The following CSMD1 variants were observed in gnomAD, a reference collection of about 807,000 sequenced individuals.
The protein encoded by CSMD1 is CUB and sushi domain-containing protein 1.
Under a neutral mutation model 417.5 loss-of-function variants are expected in CSMD1, and 213 were observed. That is an observed-to-expected ratio of 0.51 (90% CI 0.46 to 0.57). The LOEUF is 0.57. CSMD1 is among the 20% of genes least tolerant of loss of function. CSMD1 has a pLI of 0.00. For synonymous variants in CSMD1, 2,862 were observed against 1,736.8 expected (o/e 1.65, Z -16.11); for missense variants, 6,923 against 4,529.7 (o/e 1.53, Z -15.17).
intron 3 of CSMD1, among the ~76,000 whole-genome samples, chr8:4,124,504 T>A (rs1346938656): frequency 6.6e-6 from 1 of 152,180 alleles, no homozygotes; most frequent in Non-Finnish European, 1.5e-5. Flanking sequence ...CAACTGCCCC[T>A]TGAGTGTGTC....
At chr8:3,321,725 G>A (rs1806167871) in intron 23 of CSMD1, among the ~76,000 whole-genome samples, 1 of 152,148 alleles carries the variant, frequency 6.6e-6, no homozygotes, top group Non-Finnish European at 1.5e-5. Flanking sequence ...AAATAAAGTA[G>A]TAAGCTTCTA....
intron 6 of CSMD1, among the ~76,000 whole-genome samples, chr8:3,744,911 T>A (rs979896693): frequency 6.6e-6 from 1 of 152,124 alleles, no homozygotes; most frequent in Non-Finnish European, 1.5e-5. Flanking sequence ...TTTAGTTGAG[T>A]GGGCCTGAAG....
At chr8:3,319,302 G>A (rs989340015) in intron 23 of CSMD1, among the ~76,000 whole-genome samples, 54 of 152,218 alleles carry the variant, frequency 3.5e-4, no homozygotes, top group African/African-American at 1.2e-3. Context: ...TAACCACAGG[G>A]ATTAGAACCA....
At chr8:4,429,735 C>A (rs1329355714) in intron 2 of CSMD1, among the ~76,000 whole-genome samples, 1 of 152,108 alleles carries the variant, frequency 6.6e-6, no homozygotes, top group Non-Finnish European at 1.5e-5. Context: ...TCTCCTGTAA[C>A]CCACAGCCGT....
chr8:4,884,298 G>A (rs71502988), intron 1 of CSMD1, among the ~76,000 whole-genome samples: 29,515 of 151,596 alleles, frequency 0.19, 3,747 homozygotes, highest in East Asian at 0.41. Flanking sequence ...TAGATGATTC[G>A]CCCAATTTAT....
At chr8:2,964,678 A>T (rs1803801379) in intron 59 of CSMD1, among the ~76,000 whole-genome samples, 1 of 152,252 alleles carries the variant, frequency 6.6e-6, no homozygotes, top group African/African-American at 2.4e-5. Flanking sequence ...TTTCATTCAA[A>T]TTCAACATTT....
intron 21 of CSMD1, among the ~76,000 whole-genome samples, chr8:3,358,433 C>T (rs892371769): frequency 6.6e-6 from 1 of 152,178 alleles, no homozygotes; most frequent in South Asian, 2.1e-4. Flanking sequence ...GGACAACACA[C>T]CCTATTTAAG....
At chr8:3,775,033 T>A (rs1022680426) in intron 5 of CSMD1, among the ~76,000 whole-genome samples, 1 of 152,124 alleles carries the variant, frequency 6.6e-6, no homozygotes, top group East Asian at 1.9e-4. Flanking sequence ...GGAGATTTCA[T>A]CATGTTACTC....
chr8:4,167,965 T>C (rs1484858059), intron 3 of CSMD1, among the ~76,000 whole-genome samples: 1 of 151,820 alleles, frequency 6.6e-6, no homozygotes, highest in Non-Finnish European at 1.5e-5. Flanking sequence ...CTATCTCTAC[T>C]AAAAATACAA....
intron 5 of CSMD1, among the ~76,000 whole-genome samples, chr8:3,772,573 ATATACACATATATT>A (rs1323005765): frequency 7.4e-6 from 1 of 135,716 alleles, no homozygotes; most frequent in Admixed American, 8.4e-5. Context: ...ATATATACAT[ATATACACATATATT>A]TATATACATA....
At chr8:4,661,034 A>G (rs147137526) in intron 1 of CSMD1, among the ~76,000 whole-genome samples, 256 of 152,314 alleles carry the variant, frequency 1.7e-3, no homozygotes, top group Non-Finnish European at 3.1e-3. Context: ...GCAAAATGGC[A>G]CAGCCACCCC....
intron 3 of CSMD1, among the ~76,000 whole-genome samples, chr8:4,184,156 G>C (rs1395516017): frequency 6.6e-6 from 1 of 152,074 alleles, no homozygotes; most frequent in African/African-American, 2.4e-5. Flanking sequence ...GCATAACTAT[G>C]AAAGAAAAAG....
Position 3,708,481 on chromosome 8 carries a change from C to G in CSMD1, c.942G>C (p.Ala314=). ...TGACTCCTCTTGACTTCAACTCAAT[C>G]GCCTTTTTCACTGGAAGAAACAAAA... ...GFNAQFQVKK[A]IELKSRGVKM... is the part of the protein sequence containing the mutation. Residue 314 remains alanine, a synonymous_variant, in exon 7 of 70, where the codon GCG becomes GCC. Transcript: ENST00000635120. The G allele has an allele frequency of 6.2e-7, 1 of 1,613,882 alleles. No individual in the cohort carries two copies. Among genetic ancestry groups the G allele is most frequent in the Non-Finnish European group, 8.5e-7 (1 of 1,179,850 alleles).
chr8:4,227,172 C>T (rs998506185), intron 3 of CSMD1, among the ~76,000 whole-genome samples: 7 of 152,138 alleles, frequency 4.6e-5, no homozygotes, highest in Non-Finnish European at 1.0e-4. Context: ...TCTTTGCCTG[C>T]CCTCATGGTT....
intron 2 of CSMD1, among the ~76,000 whole-genome samples, chr8:4,619,451 C>T (rs1029374380): frequency 2.0e-5 from 3 of 152,092 alleles, no homozygotes; most frequent in Non-Finnish European, 4.4e-5. Context: ...GTGACAGTAG[C>T]TAGTGTAGTA....
intron 3 of CSMD1, among the ~76,000 whole-genome samples, chr8:4,072,054 T>C (rs1391059406): frequency 1.3e-5 from 2 of 152,174 alleles, no homozygotes; most frequent in African/African-American, 4.8e-5. Flanking sequence ...GGATAGAGTT[T>C]TGGTTTTGCC....
intron 3 of CSMD1, among the ~76,000 whole-genome samples, chr8:4,338,194 G>C (rs977522576): frequency 6.6e-6 from 1 of 152,072 alleles, no homozygotes; most frequent in Non-Finnish European, 1.5e-5. Flanking sequence ...GCAAGAGTTA[G>C]ATTAGAGATG....
intron 3 of CSMD1, among the ~76,000 whole-genome samples, chr8:4,301,835 GCATCGGTGATTTCAC>G (rs1835815482): frequency 1.3e-5 from 2 of 152,034 alleles, no homozygotes; most frequent in Admixed American, 6.6e-5. Context: ...TTTTCAGAAA[GCATCGGTGATTTCAC>G]CATTCTTCTG....
intron 3 of CSMD1, among the ~76,000 whole-genome samples, chr8:4,312,155 T>G (rs1461999944): frequency 6.6e-6 from 1 of 151,958 alleles, no homozygotes; most frequent in African/African-American, 2.4e-5. Context: ...TTACACACGC[T>G]TCCTACGTGC....
Sources: gnomAD v4.1 joint callset for allele counts (sites outside exome capture counted in the v4.1 genomes callset) on GRCh38, gnomAD v4.1.1 for gene constraint, MANE v1.5 for transcripts, NCBI Gene and HGNC (gene_info 2026-07-23, HGNC 2026-07-21) for gene names.